TSPAN12: variants seen among roughly 807,000 people sequenced by gnomAD.
The protein encoded by TSPAN12 is tetraspanin-12.
Under a neutral mutation model 39.2 loss-of-function variants are expected in TSPAN12, and 19 were observed. The ratio of observed to expected loss-of-function variants is 0.49; its 90% CI spans 0.34 to 0.71. The LOEUF is 0.71. Ranked by LOEUF, TSPAN12 falls within the 30% of genes least tolerant of loss-of-function variation. The probability of loss-of-function intolerance (pLI) is 0.01; values close to 1 mark genes in which losing one functional copy is unlikely to be tolerated. For missense variants in TSPAN12, 314 were observed against 359.9 expected (o/e 0.87, Z 1.03); for synonymous variants, 119 against 124.8 (o/e 0.95, Z 0.31).
At chr7:120,838,936 T>C in intron 3 of TSPAN12, 24 bp from the exon 4 acceptor site, 1 of 1,612,622 alleles carries the variant, frequency 6.2e-7, no homozygotes, top group Non-Finnish European at 8.5e-7. Context: ...AATAATGTAT[T>C]AGAAAGAAAA....
chr7:120,817,979 A>C (rs1794116731), intron 4 of TSPAN12, among the ~76,000 whole-genome samples: 1 of 152,190 alleles, frequency 6.6e-6, no homozygotes, highest in African/African-American at 2.4e-5. Context: ...GATAGTGAGT[A>C]GGACTGGGAG....
intron 7 of TSPAN12, among the ~76,000 whole-genome samples, chr7:120,798,462 C>A (rs537689038): frequency 1.3e-5 from 2 of 152,250 alleles, no homozygotes; most frequent in African/African-American, 2.4e-5. Flanking sequence ...AACCACTGAA[C>A]CTGCAAACTG....
intron 2 of TSPAN12, among the ~76,000 whole-genome samples, chr7:120,851,332 T>C (rs902738630): frequency 6.6e-6 from 1 of 152,230 alleles, no homozygotes; most frequent in Non-Finnish European, 1.5e-5. Context: ...AAATTTCCTG[T>C]CTACTTTTTT....
intron 4 of TSPAN12, among the ~76,000 whole-genome samples, chr7:120,816,747 CATT>C (rs1372410945): frequency 1.3e-5 from 2 of 152,038 alleles, no homozygotes; most frequent in African/African-American, 4.8e-5. Flanking sequence ...AGGGGAATGA[CATT>C]ATAAACTGAT....
chr7:120,817,844 T>C (rs1794114374), intron 4 of TSPAN12, among the ~76,000 whole-genome samples: 1 of 152,150 alleles, frequency 6.6e-6, no homozygotes, highest in South Asian at 2.1e-4. Context: ...TTTGTGAATA[T>C]CCTCCTTCAC....
chr7:120,834,760 C>T (rs977753491), intron 4 of TSPAN12, among the ~76,000 whole-genome samples: 9 of 152,136 alleles, frequency 5.9e-5, no homozygotes, highest in African/African-American at 2.2e-4. Flanking sequence ...TAAATATTTA[C>T]ATCCAAAATA....
chr7:120,805,319 A>C (rs1273657039), intron 7 of TSPAN12, among the ~76,000 whole-genome samples: 2 of 152,128 alleles, frequency 1.3e-5, no homozygotes, highest in Middle Eastern at 6.3e-3. Context: ...ATTAATTTAC[A>C]ATATAAATTG....
At chr7:120,838,694 C>T in intron 4 of TSPAN12, 83 bp downstream of exon 4, 1 of 1,447,746 alleles carries the variant, frequency 6.9e-7, no homozygotes, top group Non-Finnish European at 9.6e-7. Context: ...ATCACTGCTC[C>T]CTAATCTTGT....
At chr7:120,825,421 C>T (rs1298321592) in intron 4 of TSPAN12, among the ~76,000 whole-genome samples, 1 of 152,118 alleles carries the variant, frequency 6.6e-6, no homozygotes, top group Non-Finnish European at 1.5e-5. Flanking sequence ...AAAGTTATTT[C>T]AAAATATAAC....
chr7:120,814,793 T>C (rs1554401072), intron 5 of TSPAN12, among the ~76,000 whole-genome samples: 1 of 152,054 alleles, frequency 6.6e-6, no homozygotes, highest in Non-Finnish European at 1.5e-5. Context: ...AAATAAAAGA[T>C]AAAAAAATGA....
chr7:120,829,706 C>T (rs943920556), intron 4 of TSPAN12, among the ~76,000 whole-genome samples: 3 of 152,138 alleles, frequency 2.0e-5, no homozygotes, highest in Non-Finnish European at 4.4e-5. Context: ...ATAGCATGTG[C>T]TGCCAGAAAA....
intron 4 of TSPAN12, among the ~76,000 whole-genome samples, chr7:120,826,747 G>A (rs1188926550): frequency 1.3e-5 from 2 of 152,042 alleles, no homozygotes; most frequent in African/African-American, 4.8e-5. Flanking sequence ...TTTGGAGACA[G>A]AGTCTCATTC....
chr7:120,793,628 C>T (rs1242174711), intron 7 of TSPAN12, among the ~76,000 whole-genome samples: 1 of 152,204 alleles, frequency 6.6e-6, no homozygotes, highest in Non-Finnish European at 1.5e-5. Flanking sequence ...TTATGCTTCT[C>T]TATCAAGAGT....
chr7:120,821,236 GA>G (rs1272463475), intron 4 of TSPAN12, among the ~76,000 whole-genome samples: 4 of 151,408 alleles, frequency 2.6e-5, no homozygotes, highest in Non-Finnish European at 4.4e-5. Flanking sequence ...CTACATTCAT[GA>G]AAAAAAATTG....
chr7:120,803,682 G>C (rs967265219), intron 7 of TSPAN12, among the ~76,000 whole-genome samples: 10 of 152,100 alleles, frequency 6.6e-5, no homozygotes, highest in African/African-American at 2.4e-4. Context: ...ACATCTCATG[G>C]CTGACAATGC....
intron 7 of TSPAN12, among the ~76,000 whole-genome samples, chr7:120,795,654 A>T (rs1266290376): frequency 6.6e-6 from 1 of 152,180 alleles, no homozygotes; most frequent in African/African-American, 2.4e-5. Flanking sequence ...AATAAACATA[A>T]CTCTCATTTG....
intron 7 of TSPAN12, among the ~76,000 whole-genome samples, chr7:120,792,856 AG>A (rs1793558243): frequency 6.6e-6 from 1 of 152,252 alleles, no homozygotes; most frequent in African/African-American, 2.4e-5. Flanking sequence ...AACAGTTATA[AG>A]ACATGCAAAG....
At chr7:120,793,336 C>T (rs1481960826) in intron 7 of TSPAN12, among the ~76,000 whole-genome samples, 1 of 152,150 alleles carries the variant, frequency 6.6e-6, no homozygotes, top group Non-Finnish European at 1.5e-5. Context: ...ACAGCTTTTT[C>T]GGTTGCCCAG....
At chr7:120,849,492 C>A (rs983033711) in intron 2 of TSPAN12, among the ~76,000 whole-genome samples, 3 of 152,224 alleles carry the variant, frequency 2.0e-5, no homozygotes, top group African/African-American at 7.2e-5. Flanking sequence ...CCATCTGTAA[C>A]ATATAGTCCC....
Sources: gnomAD v4.1 joint callset for allele counts (sites outside exome capture counted in the v4.1 genomes callset) on GRCh38, gnomAD v4.1.1 for gene constraint, MANE v1.5 for transcripts, NCBI Gene and HGNC (gene_info 2026-07-23, HGNC 2026-07-21) for gene names.